LPP: variants seen among roughly 807,000 people sequenced by gnomAD.
LPP encodes lipoma-preferred partner.
In LPP, 38 loss-of-function variants were observed where a neutral mutation model predicts 60.4. The ratio of observed to expected loss-of-function variants is 0.63; its 90% CI spans 0.49 to 0.83. LPP has a LOEUF of 0.83. Among genes scored for constraint, LPP ranks in the 40% least tolerant of loss-of-function variants. The probability of loss-of-function intolerance (pLI) is 0.00; values close to 1 mark genes in which losing one functional copy is unlikely to be tolerated. For missense variants in LPP, 902 were observed against 783.6 expected (o/e 1.15, Z -1.80); for synonymous variants, 328 against 290.8 (o/e 1.13, Z -1.30).
chr3:188,553,842 G>A (rs906146789), intron 6 of LPP: 3 of 152,234 alleles, frequency 2.0e-5, no homozygotes, highest in African/African-American at 7.2e-5. Flanking sequence ...TCAGAGTGGT[G>A]TTCAATGCCT....
At chr3:188,461,539 T>C (rs1414023193) in intron 4 of LPP, among the ~76,000 whole-genome samples, 1 of 152,178 alleles carries the variant, frequency 6.6e-6, no homozygotes, top group East Asian at 1.9e-4. Flanking sequence ...GATCAAGAAA[T>C]AGAACCTCAC....
At chr3:188,589,918 C>T (rs1212742476) in intron 6 of LPP, among the ~76,000 whole-genome samples, 1 of 152,136 alleles carries the variant, frequency 6.6e-6, no homozygotes, top group Non-Finnish European at 1.5e-5. Context: ...AACAGTTTTG[C>T]CTGATTTTTG....
intron 4 of LPP, among the ~76,000 whole-genome samples, chr3:188,420,858 C>A (rs1001461087): frequency 2.6e-5 from 4 of 152,120 alleles, no homozygotes; most frequent in African/African-American, 7.2e-5. Context: ...AACGTGTACA[C>A]AATTATATCA....
chr3:188,479,375 A>G (rs1804118101), intron 4 of LPP, among the ~76,000 whole-genome samples: 1 of 152,216 alleles, frequency 6.6e-6, no homozygotes, highest in South Asian at 2.1e-4. Flanking sequence ...ACCTGAGAGC[A>G]TGTTGGAAAT....
At chr3:188,592,911 T>C (rs74286937) in intron 6 of LPP, among the ~76,000 whole-genome samples, 10,433 of 152,064 alleles carry the variant, frequency 0.069, 784 homozygotes, top group East Asian at 0.35. Flanking sequence ...TAAGAAACAA[T>C]GAATAATATT....
intron 9 of LPP, among the ~76,000 whole-genome samples, chr3:188,761,173 C>T (rs1317289924): frequency 1.3e-5 from 2 of 152,092 alleles, no homozygotes; most frequent in Admixed American, 1.3e-4. Flanking sequence ...TGGTTTGTCC[C>T]TCAGTGCCCA....
intron 6 of LPP, among the ~76,000 whole-genome samples, chr3:188,553,247 A>G (rs1828638204): frequency 6.6e-6 from 1 of 152,094 alleles, no homozygotes. Context: ...TTATTTTCCC[A>G]TATCATGTGT....
At chr3:188,703,276 A>G (rs1002159533) in intron 7 of LPP, among the ~76,000 whole-genome samples, 2 of 152,344 alleles carry the variant, frequency 1.3e-5, no homozygotes, top group South Asian at 2.1e-4. Flanking sequence ...TTACCCATAC[A>G]ATATGCTAGA....
rs147265522 is a variant in LPP at position 188,217,244 on chromosome 3, T to C, written c.-189-8161T>C. Among the ~76,000 whole-genome samples, 15 of 152,018 alleles carry C rather than the reference T, an allele frequency of 9.9e-5. No homozygotes were observed. The highest frequency in any genetic ancestry group is 1.8e-4 in the Non-Finnish European group (12 of 67,946). ...TGACAAGGAGGCCACCTTGTAGAAG[T>C]TGGGGGAAGAGCACTGCAGGCAGTG... is the stretch of plus-strand genomic sequence containing the variant. On this transcript the variant is annotated intron_variant, in intron 1 of 11. Transcript: ENST00000617246. This position sits in a 1 kb window ranked among gnomAD's most constrained non-coding sequence, Gnocchi z 4.0.
intron 8 of LPP, among the ~76,000 whole-genome samples, chr3:188,716,256 C>CT (rs1018806220): frequency 4.6e-5 from 7 of 152,188 alleles, no homozygotes. Context: ...CAGCAGGGAC[C>CT]TAGCACATGC....
Position 188,386,072 on chromosome 3 carries a change from C to A in LPP, c.-9-20040C>A, listed in dbSNP as rs148159247. 1.9e-3 allele frequency among the ~76,000 whole-genome samples: 294 copies of A among 151,352 alleles called. 1 individual carries two copies. The highest frequency in any genetic ancestry group is 6.9e-3 in the African/African-American group (283 of 41,304). Reference sequence around the variant, plus strand: ...GGAATGAAGAATTTATTCTTTTTTTCAATAGGTGAACAAAAAAAAGTATGA... The same window carrying A: ...GGAATGAAGAATTTATTCTTTTTTTAAATAGGTGAACAAAAAAAAGTATGA... On this transcript the variant is annotated intron_variant, in intron 3 of 11. Transcript: ENST00000617246.
At chr3:188,283,746 A>G (rs926087936) in intron 2 of LPP, among the ~76,000 whole-genome samples, 5 of 152,020 alleles carry the variant, frequency 3.3e-5, no homozygotes, top group Non-Finnish European at 7.4e-5. Context: ...GGAGACACTA[A>G]TCATTATTAG....
chr3:188,435,553 C>T (rs1792091374), intron 4 of LPP, among the ~76,000 whole-genome samples: 1 of 151,990 alleles, frequency 6.6e-6, no homozygotes, highest in Admixed American at 6.6e-5. Flanking sequence ...AAATTAATAC[C>T]TGTTTTCTTT....
At chr3:188,518,125 C>G (rs1460838113) in intron 5 of LPP, among the ~76,000 whole-genome samples, 1 of 152,160 alleles carries the variant, frequency 6.6e-6, no homozygotes, top group Non-Finnish European at 1.5e-5. Flanking sequence ...AACCTCTTCT[C>G]TTTATAAATT....
At chr3:188,173,009 AGG>A (rs1722009762) in intron 1 of LPP, among the ~76,000 whole-genome samples, 1 of 152,150 alleles carries the variant, frequency 6.6e-6, no homozygotes, top group African/African-American at 2.4e-5. Context: ...CTGGGACAAC[AGG>A]TGCATGCCAC....
At position 188,883,943 on chromosome 3, in the gene LPP, T is replaced by C. The variant is rs929661153; in HGVS notation, c.*9464T>C. On this transcript the variant is annotated 3_prime_UTR_variant, in exon 12 of 12. Transcript: ENST00000617246. ...AATGTACAAATGCTTTCCTCATTGC[T>C]CTGGATGACTATTTAGTTTAAATAA... 1 of 216,174 alleles carries C rather than the reference T, an allele frequency of 4.6e-6. No homozygotes were observed. Among genetic ancestry groups the C allele is most frequent in the Non-Finnish European group, 9.3e-6 (1 of 107,400 alleles). 13.4% of individuals were successfully genotyped at this position (216,174 alleles called of 1,614,324 possible).
In LPP at chr3:188,888,039, A is replaced by C. The variant is rs1230163668; in HGVS notation, c.*13560A>C. ...CATGTATAAAATTATCATGTGGCTT[A>C]ATGTGCCTTAAGTGAAAATTTAAAC... On this transcript the variant is annotated 3_prime_UTR_variant, in exon 12 of 12. Coordinates refer to ENST00000617246, the MANE Select transcript of LPP (RefSeq NM_001375462.1). 4.6e-6 allele frequency: 1 copy of C among 216,260 alleles called. No individual in the cohort carries two copies. Among genetic ancestry groups the C allele is most frequent in the Non-Finnish European group, 9.3e-6 (1 of 107,426 alleles). 13.4% of individuals were successfully genotyped at this position (216,260 alleles called of 1,614,324 possible).
chr3:188,549,893 A>G (rs1275482935), intron 6 of LPP, among the ~76,000 whole-genome samples: 2 of 152,194 alleles, frequency 1.3e-5, no homozygotes, highest in African/African-American at 4.8e-5. Flanking sequence ...TTCTGGCAAT[A>G]AAAGGCCTTG....
rs143436046 is a variant in LPP at position 188,613,865 on chromosome 3, C to G, written c.1113+4021C>G. ...AACAGAGAATGTTCATACACTACCACTTTGAACATTCCAGTAGTATGAGAA... is the reference window on the plus strand; with the variant it reads ...AACAGAGAATGTTCATACACTACCAGTTTGAACATTCCAGTAGTATGAGAA... On this transcript the variant is annotated intron_variant, in intron 7 of 11. Coordinates refer to ENST00000617246, the MANE Select transcript of LPP (RefSeq NM_001375462.1). Among the ~76,000 whole-genome samples, 35 of 151,742 alleles carry G rather than the reference C, an allele frequency of 2.3e-4. 1 individual carries two copies. In the East Asian group the frequency reaches 6.6e-3, roughly 29 times the overall value.
Sources: allele counts gnomAD v4.1 joint callset (sites outside exome capture counted in the v4.1 genomes callset), GRCh38; gene constraint gnomAD v4.1.1; non-coding constraint Gnocchi (gnomAD v3.1); transcripts MANE v1.5; gene names NCBI Gene and HGNC (gene_info 2026-07-23, HGNC 2026-07-21).